ALKBH8: variants seen among roughly 807,000 people sequenced by gnomAD.
The protein encoded by ALKBH8 is alkB homolog 8, tRNA methyltransferase.
In ALKBH8, 36 loss-of-function variants were observed where a neutral mutation model predicts 59.8. The ratio of observed to expected loss-of-function variants is 0.60; its 90% CI spans 0.46 to 0.79. The LOEUF (loss-of-function observed/expected upper bound fraction) is 0.79, where lower values mean the gene tolerates loss of function less well. ALKBH8 is among the 30% of genes least tolerant of loss of function. The probability of loss-of-function intolerance (pLI) is 0.00; values close to 1 mark genes in which losing one functional copy is unlikely to be tolerated. For missense variants in ALKBH8, 768 were observed against 801.0 expected (o/e 0.96, Z 0.50); for synonymous variants, 276 against 273.6 (o/e 1.01, Z -0.09).
intron 9 of ALKBH8, among the ~76,000 whole-genome samples, chr11:107,522,972 C>G (rs1863186303): frequency 6.6e-6 from 1 of 151,792 alleles, no homozygotes; most frequent in Non-Finnish European, 1.5e-5. Context: ...CCCTCTCACA[C>G]AGAACCCACT....
At chr11:107,511,063 A>G (rs1862603006) in intron 10 of ALKBH8, 27 bp from the exon 11 acceptor site, 4 of 1,549,998 alleles carry the variant, frequency 2.6e-6, no homozygotes, top group Middle Eastern at 1.7e-4. Context: ...ATTCCATAAC[A>G]TTTTGTTTAA....
At chr11:107,513,909 G>C (rs1467169017) in intron 10 of ALKBH8, among the ~76,000 whole-genome samples, 1 of 152,054 alleles carries the variant, frequency 6.6e-6, no homozygotes, top group Non-Finnish European at 1.5e-5. Flanking sequence ...GTGGCGGGGT[G>C]GTGTACAGAT....
At chr11:107,537,732 A>T (rs1224256489) in intron 7 of ALKBH8, among the ~76,000 whole-genome samples, 2 of 152,204 alleles carry the variant, frequency 1.3e-5, no homozygotes, top group East Asian at 1.9e-4. Flanking sequence ...AAAAAAAAAA[A>T]AATTTGGTGA....
intron 1 of ALKBH8, chr11:107,562,691 G>T (rs1438815869): frequency 6.6e-6 from 1 of 152,128 alleles, no homozygotes; most frequent in African/African-American, 2.4e-5. Context: ...AGCACAGGGG[G>T]TACATACTAG....
chr11:107,547,905 A>G (rs753393265), intron 7 of ALKBH8, among the ~76,000 whole-genome samples: 1 of 152,204 alleles, frequency 6.6e-6, no homozygotes, highest in Non-Finnish European at 1.5e-5. Flanking sequence ...CAGTTCAACT[A>G]AAGGGCAAAT....
At chr11:107,532,666 A>G (rs1040881297) in intron 7 of ALKBH8, among the ~76,000 whole-genome samples, 2 of 152,120 alleles carry the variant, frequency 1.3e-5, no homozygotes, top group African/African-American at 4.8e-5. Context: ...ACATCTAATA[A>G]TCACCCCAAG....
intron 3 of ALKBH8, among the ~76,000 whole-genome samples, chr11:107,556,289 A>AATAAAT (rs1565348533): frequency 6.6e-6 from 1 of 152,140 alleles, no homozygotes; most frequent in African/African-American, 2.4e-5. Context: ...AAAAAGCAAA[A>AATAAAT]AAATAAATAA....
intron 2 of ALKBH8, among the ~76,000 whole-genome samples, chr11:107,557,289 A>G (rs981750664): frequency 6.6e-6 from 1 of 152,232 alleles, no homozygotes; most frequent in Admixed American, 6.5e-5. Context: ...AAACATGACT[A>G]TTATTCAGAA....
intron 7 of ALKBH8, among the ~76,000 whole-genome samples, chr11:107,548,852 TTTC>T (rs1209846668): frequency 1.6e-5 from 1 of 61,246 alleles, no homozygotes; most frequent in Non-Finnish European, 4.3e-5. Flanking sequence ...TCTGATTTTC[TTTC>T]TTTTTTTTTT....
intron 10 of ALKBH8, among the ~76,000 whole-genome samples, chr11:107,513,499 TAA>T (rs1333358903): frequency 6.6e-6 from 1 of 152,148 alleles, no homozygotes; most frequent in Non-Finnish European, 1.5e-5. Flanking sequence ...TCAAAGAACT[TAA>T]AAGAGAATTA....
chr11:107,508,106 G>A (rs976184138), intron 11 of ALKBH8, among the ~76,000 whole-genome samples: 1 of 151,572 alleles, frequency 6.6e-6, no homozygotes, highest in African/African-American at 2.4e-5. Flanking sequence ...ATGAAGCAGG[G>A]ACTGGGTCTT....
Position 107,530,913 on chromosome 11 carries a change from T to C in ALKBH8, c.878+1387A>G, listed in dbSNP as rs1381967755. 2.6e-5 allele frequency among the ~76,000 whole-genome samples: 4 copies of C among 152,142 alleles called. No homozygotes were observed. The East Asian group carries it at 7.7e-4, about 29-fold the overall frequency. On this transcript the variant is annotated intron_variant, in intron 8 of 11. Coordinates refer to ENST00000428149, the MANE Select transcript of ALKBH8 (RefSeq NM_138775.3). ...AATAGATTAAAATATTTTCACAATA[T>C]ATCCATGAAAAGTAATTTCTTATTT...
chr11:107,518,590 G>A (rs980831564), intron 10 of ALKBH8, among the ~76,000 whole-genome samples: 184 of 152,372 alleles, frequency 1.2e-3, no homozygotes, highest in African/African-American at 4.3e-3. Flanking sequence ...GCTTAAAGGC[G>A]TTCTTAAACC....
At chr11:107,517,469 T>G (rs1862913155) in intron 10 of ALKBH8, among the ~76,000 whole-genome samples, 1 of 152,250 alleles carries the variant, frequency 6.6e-6, no homozygotes, top group Non-Finnish European at 1.5e-5. Flanking sequence ...TGCACTCCCA[T>G]GTTTACTGCA....
chr11:107,521,683 T>TA (rs1323066469), intron 10 of ALKBH8, among the ~76,000 whole-genome samples: 1 of 152,118 alleles, frequency 6.6e-6, no homozygotes, highest in Non-Finnish European at 1.5e-5. Context: ...AAAAAAATAG[T>TA]AACTGAAAAC....
chr11:107,565,619 C>T lies in ALKBH8; in HGVS notation c.-25G>A, dbSNP rs1428529191. 6 of 1,535,724 alleles carry T rather than the reference C, an allele frequency of 3.9e-6. No individual in the cohort carries two copies. Among genetic ancestry groups the T allele is most frequent in the Middle Eastern group, 1.7e-4 (1 of 5,990 alleles). On this transcript the variant is annotated 5_prime_UTR_variant, in exon 1 of 12. Coordinates refer to ENST00000428149, the MANE Select transcript of ALKBH8 (RefSeq NM_138775.3). Reference sequence around the variant, plus strand: ...CACACACCTCCGCTTCGGCTCAGGCCGGATTCTCACCATGCGTGTGCCTTC... The same window carrying T: ...CACACACCTCCGCTTCGGCTCAGGCTGGATTCTCACCATGCGTGTGCCTTC...
rs74321803 is a variant in ALKBH8, at chr11:107,514,210, A to C, written c.1288-3174T>G. Among the ~76,000 whole-genome samples the C allele has an allele frequency of 4.3e-4, 66 of 152,334 alleles. No individual in the cohort carries two copies. In the East Asian group the frequency reaches 0.012, roughly 28 times the overall value. The stretch of plus-strand genomic sequence containing the variant: ...TACCAAAAAAAACAGTATTTTTATT[A>C]AAAGTTCCTTAAAGTGCTATGTTAT... On this transcript the variant is annotated intron_variant, in intron 10 of 11. Transcript: ENST00000428149.
intron 4 of ALKBH8, 149 bp from the exon 5 acceptor site, chr11:107,553,352 T>C: frequency 1.8e-6 from 1 of 543,514 alleles, no homozygotes; most frequent in South Asian, 2.8e-5. Flanking sequence ...TTAACCATTT[T>C]GCCTTATATT....
chr11:107,558,188 T>C (rs867634806), intron 2 of ALKBH8, among the ~76,000 whole-genome samples: 2 of 152,180 alleles, frequency 1.3e-5, no homozygotes, highest in African/African-American at 4.8e-5. Context: ...TATTGGTTTA[T>C]TACACAAAAT....
Sources: allele counts gnomAD v4.1 joint callset (sites outside exome capture counted in the v4.1 genomes callset), GRCh38; gene constraint gnomAD v4.1.1; transcripts MANE v1.5; gene names NCBI Gene and HGNC (gene_info 2026-07-23, HGNC 2026-07-21).